Variants in UTRN observed in about 807,000 individuals in gnomAD.
UTRN encodes utrophin.
In UTRN, 283 loss-of-function variants were observed where a neutral mutation model predicts 463.9. That is an observed-to-expected ratio of 0.61 (90% confidence interval 0.55 to 0.67). The LOEUF is 0.67. Among genes scored for constraint, UTRN ranks in the 30% least tolerant of loss-of-function variants. UTRN has a pLI of 0.00. For missense variants in UTRN, 3,922 were observed against 4,084.3 expected, an observed-to-expected ratio of 0.96 and a Z score of 1.08; for synonymous variants, 1,442 against 1,431.5, an observed-to-expected ratio of 1.01 and a Z score of -0.17.
chr6:144,604,746 T>A (rs1804652234), intron 51 of UTRN, among the ~76,000 whole-genome samples: 1 of 151,964 alleles, frequency 6.6e-6, no homozygotes, highest in African/African-American at 2.4e-5. Flanking sequence ...AAACCCGATC[T>A]CTACTAAAAA....
intron 52 of UTRN, among the ~76,000 whole-genome samples, chr6:144,684,846 A>G (rs1406906249): frequency 6.6e-6 from 1 of 151,926 alleles, no homozygotes; most frequent in Non-Finnish European, 1.5e-5. Flanking sequence ...GTTCATTTTT[A>G]TTTTTTACTT....
At chr6:144,502,565 C>T (rs562950412) in intron 34 of UTRN, among the ~76,000 whole-genome samples, 9 of 152,130 alleles carry the variant, frequency 5.9e-5, no homozygotes, top group South Asian at 2.1e-4. Context: ...CAACTTCATC[C>T]GGGTCCCTGC....
At chr6:144,543,904 T>C (rs1372751086) in intron 46 of UTRN, among the ~76,000 whole-genome samples, 3 of 152,152 alleles carry the variant, frequency 2.0e-5, no homozygotes, top group Non-Finnish European at 2.9e-5. Flanking sequence ...AAAAAGTACC[T>C]GGGGCCTGAT....
chr6:144,420,550 G>T (rs1469531732), intron 3 of UTRN, among the ~76,000 whole-genome samples: 1 of 152,204 alleles, frequency 6.6e-6, no homozygotes, highest in Non-Finnish European at 1.5e-5. Context: ...AGACACTAGA[G>T]CAGGATTATC....
In UTRN at chr6:144,533,256, C is replaced by G; in HGVS notation, c.6229C>G (p.Pro2077Ala). The stretch of plus-strand genomic sequence containing the variant: ...TGTTGCAGAAGTGAAGGATAGGCAG[C>G]CAAGGTGATTTAGCTATGATTGTTT... ...AIVAEVKDRQ[P>A]RLKGESKQVM... The change falls in exon 43 of 75, where the codon CCA (proline) becomes GCA (alanine). Residue 2077 changes from proline (P) to alanine (A), a missense_variant. Pro to Ala is a conservative substitution (Grantham distance 27). Transcript: ENST00000367545. 2 of 1,613,684 alleles carry G rather than the reference C, an allele frequency of 1.2e-6. No individual in the cohort carries two copies. Among genetic ancestry groups the G allele is most frequent in the Non-Finnish European group, 1.7e-6 (2 of 1,179,768 alleles).
intron 54 of UTRN, among the ~76,000 whole-genome samples, chr6:144,740,273 C>T (rs902924658): frequency 6.6e-6 from 1 of 152,158 alleles, no homozygotes; most frequent in Admixed American, 6.5e-5. Context: ...TTTTCATTTT[C>T]TTCGATTTTA....
intron 9 of UTRN, among the ~76,000 whole-genome samples, chr6:144,432,390 C>G (rs570273546): frequency 6.6e-6 from 1 of 152,310 alleles, no homozygotes; most frequent in East Asian, 1.9e-4. Flanking sequence ...ATCTTGGTTT[C>G]TTACTATCAC....
chr6:144,557,994 C>T (rs1213347781), intron 50 of UTRN, among the ~76,000 whole-genome samples: 3 of 152,060 alleles, frequency 2.0e-5, no homozygotes, highest in Non-Finnish European at 4.4e-5. Flanking sequence ...TTACATCATG[C>T]ATATAGTACT....
At chr6:144,525,510 A>G (rs998751218) in intron 41 of UTRN, among the ~76,000 whole-genome samples, 1 of 151,992 alleles carries the variant, frequency 6.6e-6, no homozygotes, top group Non-Finnish European at 1.5e-5. Flanking sequence ...TTGTATTTCT[A>G]TGGCATCAGT....
chr6:144,625,457 A>T (rs1775848724), intron 51 of UTRN, among the ~76,000 whole-genome samples: 1 of 152,162 alleles, frequency 6.6e-6, no homozygotes, highest in Non-Finnish European at 1.5e-5. Flanking sequence ...CTTACCTGCG[A>T]CTTCTTGACT....
chr6:144,585,070 A>G (rs1802332698), intron 51 of UTRN, among the ~76,000 whole-genome samples: 1 of 152,002 alleles, frequency 6.6e-6, no homozygotes, highest in Non-Finnish European at 1.5e-5. Flanking sequence ...CTAAAGTCGA[A>G]GGTATTAAGT....
rs752317934 is a variant in UTRN, at chr6:144,421,958, A to G, written c.222A>G (p.Thr74=). ...RKLLDLLEGL[T]GTSLPKERGS... is the part of the protein sequence containing the mutation. ...TATTGGATCTTCTAGAAGGCCTCAC[A>G]GGAACATCACTGGTGAGCAAGTCAT... The change falls in exon 4 of 75, where the codon ACA becomes ACG. Residue 74 remains threonine (T), a synonymous_variant. Transcript: ENST00000367545. 1.9e-6 allele frequency: 3 copies of G among 1,611,278 alleles called. No homozygotes were observed. The highest frequency in any genetic ancestry group is 2.2e-5 in the South Asian group (2 of 90,624).
chr6:144,405,262 G>C (rs1480258352), intron 3 of UTRN, among the ~76,000 whole-genome samples: 2 of 152,106 alleles, frequency 1.3e-5, no homozygotes, highest in Non-Finnish European at 2.9e-5. Flanking sequence ...TTTGGAGATG[G>C]GAAGCTCATG....
intron 3 of UTRN, among the ~76,000 whole-genome samples, chr6:144,409,697 G>C (rs1783712886): frequency 6.6e-6 from 1 of 152,140 alleles, no homozygotes; most frequent in Non-Finnish European, 1.5e-5. Context: ...ATCTGGCCTG[G>C]GAAGCTTTTA....
At chr6:144,606,187 A>C (rs1804829559) in intron 51 of UTRN, among the ~76,000 whole-genome samples, 1 of 152,244 alleles carries the variant, frequency 6.6e-6, no homozygotes, top group African/African-American at 2.4e-5. Flanking sequence ...GACATTGGGA[A>C]GTTAAACAAC....
Position 144,319,002 on chromosome 6 carries a change from G to A in UTRN, c.79+27095G>A, listed in dbSNP as rs571567134. On this transcript the variant is annotated intron_variant, in intron 2 of 74. Transcript: ENST00000367545. ...AGGGATCACTTGAGCCTTGGAGGTC[G>A]AGGCTGCAGTGAACTATGGTGGTAC... Among the ~76,000 whole-genome samples the A allele has an allele frequency of 5.3e-5, 8 of 152,336 alleles. No homozygotes were observed. The East Asian group carries it at 1.5e-3, about 29-fold the overall frequency.
At position 144,690,074 on chromosome 6, in the gene UTRN, G is replaced by GTTTTTTTTTTTTTTT. The variant is rs1554339291; in HGVS notation, c.7653-10005_7653-9991dup. On this transcript the variant is annotated intron_variant, in intron 52 of 74. Coordinates refer to ENST00000367545, the MANE Select transcript of UTRN (RefSeq NM_007124.3). ...GGCCATAGAGCTCCCAAAAGTTTCT[G>GTTTTTTTTTTTTTTT]TTTTTTTTTTTTTTTTTTTTTTGTG... is the stretch of plus-strand genomic sequence containing the variant. Among the ~76,000 whole-genome samples, 3 of 31,278 alleles carry GTTTTTTTTTTTTTTT rather than the reference G, an allele frequency of 9.6e-5. 1 individual carries two copies. The highest frequency in any genetic ancestry group is 1.5e-4 in the Non-Finnish European group (3 of 20,072). 20.5% of individuals were successfully genotyped at this position (31,278 alleles called of 152,430 possible).
At chr6:144,832,927 C>T (rs913302375) in intron 69 of UTRN, among the ~76,000 whole-genome samples, 1 of 152,090 alleles carries the variant, frequency 6.6e-6, no homozygotes, top group Non-Finnish European at 1.5e-5. Flanking sequence ...TCAAGTGATT[C>T]TCCTGCCTCA....
At chr6:144,746,557 A>G (rs1790766556) in intron 54 of UTRN, among the ~76,000 whole-genome samples, 1 of 151,884 alleles carries the variant, frequency 6.6e-6, no homozygotes, top group Non-Finnish European at 1.5e-5. Flanking sequence ...GCTCACTGCA[A>G]CCTCCATCTC....
Sources: allele counts gnomAD v4.1 joint callset (sites outside exome capture counted in the v4.1 genomes callset), GRCh38; gene constraint gnomAD v4.1.1; transcripts MANE v1.5; gene names NCBI Gene and HGNC (gene_info 2026-07-23, HGNC 2026-07-21).